LHCGR: variants seen among roughly 807,000 people sequenced by gnomAD.
The protein encoded by LHCGR is lutropin-choriogonadotropic hormone receptor.
LHCGR carries 55 observed loss-of-function variants against 60.7 expected under a neutral mutation model. That is an observed-to-expected ratio of 0.91 (90% CI 0.73 to 1.13). The LOEUF (loss-of-function observed/expected upper bound fraction) is 1.13. Among genes scored for constraint, LHCGR ranks in the 50% most tolerant of loss-of-function variants. LHCGR has a pLI of 0.00. For synonymous variants in LHCGR, 337 were observed against 316.5 expected (o/e 1.06, Z -0.69); for missense variants, 862 against 836.0 (o/e 1.03, Z -0.38).
chr2:48,694,391 C>G, intron 9 of LHCGR, 87 bp from the exon 10 acceptor site: 1 of 808,964 alleles, frequency 1.2e-6, no homozygotes, highest in Non-Finnish European at 2.1e-6. Flanking sequence ...TTTGTTCATG[C>G]AAATTCTTTA....
At chr2:48,741,711 C>T (rs1393964637) in intron 1 of LHCGR, among the ~76,000 whole-genome samples, 1 of 151,768 alleles carries the variant, frequency 6.6e-6, no homozygotes, top group Non-Finnish European at 1.5e-5. Flanking sequence ...TGGAAAGGAA[C>T]AACCGGTACC....
At chr2:48,718,984 T>A (rs990107422) in intron 6 of LHCGR, among the ~76,000 whole-genome samples, 2 of 152,198 alleles carry the variant, frequency 1.3e-5, no homozygotes, top group East Asian at 3.8e-4. Context: ...CTTTACTATA[T>A]GTAATAATAA....
At position 48,755,521 on chromosome 2, in the gene LHCGR, G is replaced by C; in HGVS notation, c.151C>G (p.Leu51Val). The change falls in exon 1 of 11, where the codon CTC (leucine) becomes GTC (valine). Residue 51 changes from leucine (L) to valine (V), a missense_variant. Physicochemically the swap from Leu to Val is conservative, Grantham distance 32 (BLOSUM62 1). Transcript: ENST00000294954. ...GCGCTGTGTACTCACAGTCGAGTGA[G>C]ACCGGCCGTGGGGCCGGGGCAGCGC... Reference protein sequence around the residue: ...ALRCPGPTAGLTRLSLAYLPV... With the variant: ...ALRCPGPTAGVTRLSLAYLPV... 2 of 1,540,426 alleles carry C rather than the reference G, an allele frequency of 1.3e-6. No homozygotes were observed. The highest frequency in any genetic ancestry group is 1.8e-6 in the Non-Finnish European group (2 of 1,142,628).
chr2:48,693,347 C>T (rs1008936637), intron 10 of LHCGR, among the ~76,000 whole-genome samples: 19 of 152,120 alleles, frequency 1.2e-4, no homozygotes, highest in African/African-American at 4.6e-4. Flanking sequence ...AGAAAGGTCT[C>T]AAAAGGGATA....
chr2:48,710,019 A>T (rs890557274), intron 7 of LHCGR, among the ~76,000 whole-genome samples: 1 of 152,168 alleles, frequency 6.6e-6, no homozygotes, highest in Admixed American at 6.5e-5. Flanking sequence ...TGGGAACATG[A>T]TTCTCTTACC....
intron 1 of LHCGR, among the ~76,000 whole-genome samples, chr2:48,751,709 G>C (rs1278934350): frequency 1.3e-5 from 2 of 152,170 alleles, no homozygotes; most frequent in African/African-American, 2.4e-5. Context: ...ATGCTGGATC[G>C]ATATGAACAT....
At chr2:48,701,331 C>G (rs1416915078) in intron 8 of LHCGR, among the ~76,000 whole-genome samples, 1 of 152,070 alleles carries the variant, frequency 6.6e-6, no homozygotes, top group Non-Finnish European at 1.5e-5. Flanking sequence ...GACCACAGGC[C>G]CCGCCATGAT....
intron 8 of LHCGR, 26 bp from the exon 9 acceptor site, chr2:48,698,826 TTTTA>T (rs754019659): frequency 5.2e-5 from 82 of 1,567,508 alleles, no homozygotes; most frequent in Non-Finnish European, 6.7e-5. Context: ...GAGAAATGCT[TTTTA>T]TTTATTTATT....
chr2:48,709,196 T>A (rs1321344047), intron 7 of LHCGR, among the ~76,000 whole-genome samples, 174 bp from the exon 8 acceptor site: 1 of 152,144 alleles, frequency 6.6e-6, no homozygotes, highest in African/African-American at 2.4e-5. Flanking sequence ...AATGAAATTA[T>A]GAAATTACTG....
chr2:48,727,978 A>G lies in LHCGR; in HGVS notation c.308+1175T>C, dbSNP rs553073269. Among the ~76,000 whole-genome samples, 10 of 152,328 alleles carry G rather than the reference A, an allele frequency of 6.6e-5. No homozygotes were observed. The East Asian group carries it at 1.5e-3, about 24-fold the overall frequency. ...TCTGGGATTGAACCCCAGTCCTGCC[A>G]TGGTCTAAAGCAAGCTTGTCCAACC... is the stretch of plus-strand genomic sequence containing the variant. On this transcript the variant is annotated intron_variant, in intron 3 of 10. Coordinates refer to ENST00000294954, the MANE Select transcript of LHCGR (RefSeq NM_000233.4).
intron 1 of LHCGR, among the ~76,000 whole-genome samples, chr2:48,752,981 C>CGGCGGGGGGGGGGGGGGGG (rs1670030856): frequency 1.3e-4 from 1 of 7,634 alleles, no homozygotes. Context: ...CGGATTTTGG[C>CGGCGGGGGGGGGGGGGGGG]GGGGGGGGGG....
At chr2:48,694,201 T>C in intron 10 of LHCGR, 23 bp downstream of exon 10, 1 of 1,351,040 alleles carries the variant, frequency 7.4e-7, no homozygotes, top group Non-Finnish European at 1.1e-6. Flanking sequence ...GACTTCTGAG[T>C]TTCCTTGCAT....
At chr2:48,710,714 C>T (rs1667942275) in intron 7 of LHCGR, among the ~76,000 whole-genome samples, 1 of 152,232 alleles carries the variant, frequency 6.6e-6, no homozygotes, top group Non-Finnish European at 1.5e-5. Flanking sequence ...TCAGGTGCCT[C>T]AGGGCCACCT....
chr2:48,723,690 G>A lies in LHCGR; in HGVS notation c.390C>T (p.Ile130=). The change falls in exon 5 of 11, where the codon ATC becomes ATT. Residue 130 remains isoleucine, a synonymous_variant. Transcript: ENST00000294954. ...INLPRLKYLS[I]CNTGIRKFPD... is the part of the protein sequence containing the mutation. ...GAAACTTTCTGATGCCTGTGTTACA[G>A]ATGCTCCTGTGATTAGGGACAGGAT... is the stretch of plus-strand genomic sequence containing the variant. 6.2e-7 allele frequency: 1 copy of A among 1,612,588 alleles called. No homozygotes were observed. The highest frequency in any genetic ancestry group is 1.3e-5 in the African/African-American group (1 of 75,026).
At chr2:48,701,406 T>C (rs2104399514) in intron 8 of LHCGR, among the ~76,000 whole-genome samples, 1 of 152,360 alleles carries the variant, frequency 6.6e-6, no homozygotes, top group African/African-American at 2.4e-5. Context: ...CTCTGCCATA[T>C]TGGCCTCCTT....
At position 48,718,202 on chromosome 2, in the gene LHCGR, C is replaced by A. The variant is rs894656424; in HGVS notation, c.537-4148G>T. Among the ~76,000 whole-genome samples the A allele has an allele frequency of 2.1e-4, 32 of 152,250 alleles. 1 individual carries two copies. Among genetic ancestry groups the A allele is most frequent in the Non-Finnish European group, 3.4e-4 (23 of 68,008 alleles). ...AAAAATGAAGATTTTTCGCCTCCCCCAACTTCTCTATTACAATAGCTGTAC... is the reference window on the plus strand; with the variant it reads ...AAAAATGAAGATTTTTCGCCTCCCCAAACTTCTCTATTACAATAGCTGTAC... On this transcript the variant is annotated intron_variant, in intron 6 of 10. Transcript: ENST00000294954.
chr2:48,755,525 G>T lies in LHCGR; in HGVS notation c.147C>A (p.Ala49=). The change falls in exon 1 of 11, where the codon GCC becomes GCA. Residue 49 remains alanine (A), a synonymous_variant. Transcript: ENST00000294954. ...TGTGTACTCACAGTCGAGTGAGACC[G>T]GCCGTGGGGCCGGGGCAGCGCAGGG... ...DGALRCPGPT[A]GLTRLSLAYL... is the part of the protein sequence containing the mutation. 6.5e-7 allele frequency: 1 copy of T among 1,541,210 alleles called. No individual in the cohort carries two copies. Among genetic ancestry groups the T allele is most frequent in the Non-Finnish European group, 8.7e-7 (1 of 1,143,702 alleles).
At chr2:48,715,527 G>A (rs1035182789) in intron 6 of LHCGR, among the ~76,000 whole-genome samples, 1 of 152,168 alleles carries the variant, frequency 6.6e-6, no homozygotes. Flanking sequence ...CAGGCTGTGG[G>A]GTGTGACTTG....
chr2:48,726,307 A>G (rs1418840256), intron 3 of LHCGR, among the ~76,000 whole-genome samples: 1 of 152,196 alleles, frequency 6.6e-6, no homozygotes, highest in Non-Finnish European at 1.5e-5. Flanking sequence ...CTGTGTCATG[A>G]TGTCCAGCCT....
Sources: allele counts gnomAD v4.1 joint callset (sites outside exome capture counted in the v4.1 genomes callset), GRCh38; gene constraint gnomAD v4.1.1; transcripts MANE v1.5; gene names NCBI Gene and HGNC (gene_info 2026-07-23, HGNC 2026-07-21).